The following AXDND1 variants were observed in gnomAD, a reference collection of about 807,000 sequenced individuals.
AXDND1 encodes axonemal dynein light chain domain containing 1.
A neutral mutation model predicts 137.5 loss-of-function variants in AXDND1; 110 were observed. That is an observed-to-expected ratio of 0.80 (90% CI 0.69 to 0.94). AXDND1 has a LOEUF of 0.94. Among genes scored for constraint, AXDND1 ranks in the 40% least tolerant of loss-of-function variants. The pLI is 0.00. For synonymous variants in AXDND1, 414 were observed against 399.7 expected, an observed-to-expected ratio of 1.04 and a Z score of -0.43; for missense variants, 1,191 against 1,169.8, an observed-to-expected ratio of 1.02 and a Z score of -0.26.
At chr1:179,527,828 TTAC>T in intron 22 of AXDND1, among the ~76,000 whole-genome samples, 1 of 152,220 alleles carries the variant, frequency 6.6e-6, no homozygotes, top group East Asian at 1.9e-4. Context: ...AACAAAACCA[TTAC>T]TACTGCAACT....
chr1:179,522,930 A>G (rs12403158), intron 21 of AXDND1, among the ~76,000 whole-genome samples: 6,655 of 150,836 alleles, frequency 0.044, 203 homozygotes, highest in Admixed American at 0.081. Context: ...CTTACACCAT[A>G]ATTTATTTGT....
chr1:179,488,641 T>C (rs763649256), intron 18 of AXDND1, among the ~76,000 whole-genome samples: 5,275 of 46,376 alleles, frequency 0.11, 492 homozygotes, highest in South Asian at 0.19. Context: ...TCTCCTTTCT[T>C]TCTTTCTTTC....
chr1:179,553,725 T>G (rs35427395), intron 25 of AXDND1, among the ~76,000 whole-genome samples: 30,897 of 152,078 alleles, frequency 0.2, 3,814 homozygotes, highest in Non-Finnish European at 0.27. Flanking sequence ...AACCACAGTT[T>G]AAAATAGCAA....
chr1:179,464,509 TG>T (rs1439589533), intron 16 of AXDND1, among the ~76,000 whole-genome samples: 1 of 152,236 alleles, frequency 6.6e-6, no homozygotes, highest in East Asian at 1.9e-4. Flanking sequence ...GACTTCCCTT[TG>T]TGAGTAACCC....
chr1:179,427,412 A>G (rs1001815278), intron 12 of AXDND1, among the ~76,000 whole-genome samples: 8 of 152,146 alleles, frequency 5.3e-5, no homozygotes, highest in Admixed American at 3.3e-4. Context: ...AGGATCTACT[A>G]ATTTTTAAAA....
chr1:179,515,256 G>T (rs926213381), intron 21 of AXDND1, among the ~76,000 whole-genome samples: 3 of 152,112 alleles, frequency 2.0e-5, no homozygotes, highest in African/African-American at 7.2e-5. Flanking sequence ...GTTCTTGGTA[G>T]TGGTGGCTTG....
intron 11 of AXDND1, among the ~76,000 whole-genome samples, chr1:179,397,343 T>C (rs1292795806): frequency 2.6e-5 from 4 of 152,196 alleles, no homozygotes; most frequent in African/African-American, 9.6e-5. Context: ...GGGTTTCTGC[T>C]GAGAGGTCCA....
At chr1:179,541,344 C>A (rs1438761659) in intron 25 of AXDND1, among the ~76,000 whole-genome samples, 3 of 152,188 alleles carry the variant, frequency 2.0e-5, no homozygotes, top group Non-Finnish European at 4.4e-5. Context: ...CACACACTGT[C>A]CAGCCAGTCC....
At chr1:179,438,494 A>G (rs533645212) in intron 15 of AXDND1, among the ~76,000 whole-genome samples, 34 of 152,218 alleles carry the variant, frequency 2.2e-4, no homozygotes, top group Admixed American at 1.6e-3. Context: ...ATGCAAAGCT[A>G]CAGAGGACAT....
At chr1:179,460,619 C>T (rs78762842) in intron 16 of AXDND1, among the ~76,000 whole-genome samples, 25,509 of 152,092 alleles carry the variant, frequency 0.17, 2,477 homozygotes, top group East Asian at 0.35. Context: ...CTTGAGGAAT[C>T]GCCACACTGT....
chr1:179,387,932 ATCT>A (rs1366922044), intron 9 of AXDND1, among the ~76,000 whole-genome samples: 2 of 151,850 alleles, frequency 1.3e-5, no homozygotes, highest in African/African-American at 2.4e-5. Context: ...CTTGAGGGAG[ATCT>A]TCTGCATATC....
At chr1:179,466,282 C>CTTTTTTTTTTTTTTTTTTT (rs1491121382) in intron 16 of AXDND1, among the ~76,000 whole-genome samples, 2 of 95,652 alleles carry the variant, frequency 2.1e-5, no homozygotes, top group African/African-American at 4.4e-5. Context: ...TCTTCTTCTT[C>CTTTTTTTTTTTTTTTTTTT]TTCTTTTTTT....
At chr1:179,535,070 C>G in intron 25 of AXDND1, 108 bp downstream of exon 25, 1 of 1,480,102 alleles carries the variant, frequency 6.8e-7, no homozygotes, top group Non-Finnish European at 9.4e-7. Context: ...TGCTAATCTA[C>G]TAGTTTATAC....
At chr1:179,504,846 T>C (rs1331489746) in intron 20 of AXDND1, among the ~76,000 whole-genome samples, 1 of 152,166 alleles carries the variant, frequency 6.6e-6, no homozygotes, top group Non-Finnish European at 1.5e-5. Flanking sequence ...GAGAATCTGC[T>C]CTCACACCAG....
intron 25 of AXDND1, 37 bp downstream of exon 25, chr1:179,534,999 T>C: frequency 6.2e-7 from 1 of 1,605,564 alleles, no homozygotes; most frequent in African/African-American, 1.3e-5. Context: ...ATTCAGGTTG[T>C]ATTTATGAAA....
chr1:179,437,345 C>G (rs1185941186), intron 15 of AXDND1, among the ~76,000 whole-genome samples: 2 of 152,136 alleles, frequency 1.3e-5, no homozygotes, highest in African/African-American at 4.8e-5. Flanking sequence ...TGGTTCTCAG[C>G]AGGCTTGCGA....
At chr1:179,385,462 C>A in intron 9 of AXDND1, 103 bp downstream of exon 9, 2 of 1,323,862 alleles carry the variant, frequency 1.5e-6, no homozygotes, top group South Asian at 1.3e-5. Context: ...CTTCTCTATT[C>A]TACTGATCGT....
chr1:179,527,416 C>G (rs1670633533), intron 22 of AXDND1, among the ~76,000 whole-genome samples: 1 of 152,140 alleles, frequency 6.6e-6, no homozygotes, highest in Admixed American at 6.5e-5. Flanking sequence ...ATGCCTTAAC[C>G]ATCTGGGGAG....
intron 12 of AXDND1, among the ~76,000 whole-genome samples, chr1:179,415,368 T>G (rs1654541226): frequency 6.6e-6 from 1 of 151,636 alleles, no homozygotes; most frequent in Non-Finnish European, 1.5e-5. Flanking sequence ...CAAAACAAAT[T>G]TAGATCCCGA....
Sources: gnomAD v4.1 joint callset for allele counts (sites outside exome capture counted in the v4.1 genomes callset) on GRCh38, gnomAD v4.1.1 for gene constraint, MANE v1.5 for transcripts, NCBI Gene and HGNC (gene_info 2026-07-23, HGNC 2026-07-21) for gene names.